Variants in STRN observed in about 807,000 individuals in gnomAD.
STRN encodes the protein striatin, also known as protein phosphatase 2 regulatory subunit B'''alpha.
In STRN, 53 loss-of-function variants were observed where a neutral mutation model predicts 96.3. The observed-to-expected ratio is 0.55, with a 90% confidence interval of 0.44 to 0.69. The LOEUF (loss-of-function observed/expected upper bound fraction) is 0.69. STRN is among the 30% of genes least tolerant of loss of function. The pLI, the probability that STRN is intolerant of heterozygous loss-of-function variation, is 0.00. For missense variants in STRN, 987 were observed against 963.9 expected (o/e 1.02, Z -0.32); for synonymous variants, 428 against 355.9 (o/e 1.20, Z -2.28).
rs769414901 is a variant in STRN at position 36,849,642 on chromosome 2, A to AC, written c.2174-18_2174-17insG. Reference sequence around the variant, plus strand: ...AGTCATGACCTATATCCAAAAAAAAAATTAAAAGGAAAAATTACATTAACA... The same window carrying AC: ...AGTCATGACCTATATCCAAAAAAAAACATTAAAAGGAAAAATTACATTAACA... On this transcript the variant is annotated splice_polypyrimidine_tract_variant and intron_variant, in intron 17 of 17. Coordinates refer to ENST00000263918, the MANE Select transcript of STRN (RefSeq NM_003162.4). 1 of 1,612,098 alleles carries AC rather than the reference A, an allele frequency of 6.2e-7. No homozygotes were observed. Among genetic ancestry groups the AC allele is most frequent in the East Asian group, 2.2e-5 (1 of 44,866 alleles).
intron 13 of STRN, among the ~76,000 whole-genome samples, chr2:36,859,794 A>C (rs77132984): frequency 0.024 from 3,673 of 152,342 alleles, 91 homozygotes; most frequent in African/African-American, 0.064. Flanking sequence ...AAAAGGATGG[A>C]GTTGTTAACA....
intron 15 of STRN, among the ~76,000 whole-genome samples, chr2:36,854,214 T>C (rs1258746643): frequency 1.3e-5 from 2 of 152,244 alleles, no homozygotes; most frequent in Non-Finnish European, 2.9e-5. Context: ...TTTATTTTGC[T>C]ACTGTAGCTT....
chr2:36,948,390 G>A (rs917422738), intron 1 of STRN, among the ~76,000 whole-genome samples: 1 of 151,976 alleles, frequency 6.6e-6, no homozygotes, highest in South Asian at 2.1e-4. Context: ...ATGATCCACC[G>A]CGTCCAGCCA....
At chr2:36,884,288 G>A (rs1401642759) in intron 8 of STRN, among the ~76,000 whole-genome samples, 1 of 151,750 alleles carries the variant, frequency 6.6e-6, no homozygotes, top group Non-Finnish European at 1.5e-5. Context: ...TAAGCAAATG[G>A]GATATCACTA....
At chr2:36,878,715 T>C (rs1376784466) in intron 9 of STRN, among the ~76,000 whole-genome samples, 1 of 152,132 alleles carries the variant, frequency 6.6e-6, no homozygotes, top group African/African-American at 2.4e-5. Flanking sequence ...AGGTATATTA[T>C]AGTTCATCTA....
chr2:36,956,248 C>T (rs1664884846), intron 1 of STRN, among the ~76,000 whole-genome samples: 1 of 152,142 alleles, frequency 6.6e-6, no homozygotes, highest in African/African-American at 2.4e-5. Flanking sequence ...AACAAAAAAG[C>T]AAACCACTTA....
chr2:36,877,826 C>G, intron 10 of STRN, 65 bp downstream of exon 10: 1 of 1,587,674 alleles, frequency 6.3e-7, no homozygotes, highest in Non-Finnish European at 8.6e-7. Context: ...TGAGCCACCG[C>G]ACCCAGCCCA....
intron 3 of STRN, among the ~76,000 whole-genome samples, chr2:36,908,833 A>C (rs1350080866): frequency 6.6e-6 from 1 of 151,990 alleles, no homozygotes; most frequent in Non-Finnish European, 1.5e-5. Flanking sequence ...AGTTAGTTGG[A>C]GGCTGGGTGC....
chr2:36,938,556 A>G (rs1215909550), intron 1 of STRN, among the ~76,000 whole-genome samples: 1 of 152,234 alleles, frequency 6.6e-6, no homozygotes. Context: ...GTAAGTAAGT[A>G]GCAGCCTTAA....
intron 3 of STRN, among the ~76,000 whole-genome samples, chr2:36,906,507 A>AT (rs1418208768): frequency 6.9e-6 from 1 of 144,820 alleles, no homozygotes; most frequent in Non-Finnish European, 1.6e-5. Flanking sequence ...CAAATAAATA[A>AT]TTTTTTTAAA....
At chr2:36,887,171 A>C (rs1023749621) in intron 7 of STRN, among the ~76,000 whole-genome samples, 1 of 151,590 alleles carries the variant, frequency 6.6e-6, no homozygotes, top group Non-Finnish European at 1.5e-5. Flanking sequence ...GCTCACGCCT[A>C]TAATTCCAGC....
rs902435112 is a variant in STRN at position 36,963,488 on chromosome 2, C to A, written c.234+2742G>T. On this transcript the variant is annotated intron_variant, in intron 1 of 17. Coordinates refer to ENST00000263918, the MANE Select transcript of STRN (RefSeq NM_003162.4). ...AAAAATAAAGAAGATTCAAATGTAA[C>A]GATGGTAATAATTTTTTTTCCAATT... Among the ~76,000 whole-genome samples, 7 of 152,050 alleles carry A rather than the reference C, an allele frequency of 4.6e-5. No individual in the cohort carries two copies. In the East Asian group the frequency reaches 1.3e-3, roughly 29 times the overall value.
At chr2:36,879,275 T>G (rs904747531) in intron 9 of STRN, among the ~76,000 whole-genome samples, 3 of 152,016 alleles carry the variant, frequency 2.0e-5, no homozygotes, top group Non-Finnish European at 4.4e-5. Flanking sequence ...TTCCCCATGT[T>G]GACCAGGCTA....
intron 1 of STRN, among the ~76,000 whole-genome samples, chr2:36,953,301 T>G (rs1664804378): frequency 6.6e-6 from 1 of 152,234 alleles, no homozygotes; most frequent in Non-Finnish European, 1.5e-5. Context: ...ACTTTTGTCT[T>G]CTGCCATACT....
chr2:36,872,177 T>C (rs540154979), intron 10 of STRN, among the ~76,000 whole-genome samples: 9 of 152,330 alleles, frequency 5.9e-5, no homozygotes, highest in South Asian at 2.1e-4. Context: ...TCTTCACCAA[T>C]AGAATATAGC....
At chr2:36,911,995 A>G (rs1421146545) in intron 3 of STRN, among the ~76,000 whole-genome samples, 1 of 152,172 alleles carries the variant, frequency 6.6e-6, no homozygotes, top group Non-Finnish European at 1.5e-5. Flanking sequence ...TCTCATATAT[A>G]AAGCTATCAC....
chr2:36,862,402 G>C (rs1668511716), intron 12 of STRN, among the ~76,000 whole-genome samples: 1 of 152,138 alleles, frequency 6.6e-6, no homozygotes, highest in Non-Finnish European at 1.5e-5. Context: ...CCACAGCCTT[G>C]CCAGCATCTG....
At chr2:36,945,037 CAATATTTAGT>C (rs779454746) in intron 1 of STRN, among the ~76,000 whole-genome samples, 50 of 152,064 alleles carry the variant, frequency 3.3e-4, no homozygotes, top group Middle Eastern at 6.8e-3. Context: ...CCAGCAATTC[CAATATTTAGT>C]AATATGTCAA....
intron 2 of STRN, among the ~76,000 whole-genome samples, chr2:36,923,246 C>T (rs1446486322): frequency 2.0e-5 from 3 of 151,628 alleles, no homozygotes; most frequent in East Asian, 3.9e-4. Flanking sequence ...GTCAGTAGTT[C>T]GAGACCAGTC....
Sources: allele counts gnomAD v4.1 joint callset (sites outside exome capture counted in the v4.1 genomes callset), GRCh38; gene constraint gnomAD v4.1.1; transcripts MANE v1.5; gene names NCBI Gene and HGNC (gene_info 2026-07-23, HGNC 2026-07-21).